RYR1: variants seen among roughly 807,000 people sequenced by gnomAD.
The protein encoded by RYR1 is central core disease of muscle.
RYR1 carries 342 observed loss-of-function variants against 583.5 expected under a neutral mutation model. The ratio of observed to expected loss-of-function variants is 0.59; its 90% CI spans 0.54 to 0.64. The LOEUF (loss-of-function observed/expected upper bound fraction) is 0.64, where lower values mean the gene tolerates loss of function less well. Among genes scored for constraint, RYR1 ranks in the 30% least tolerant of loss-of-function variants. The pLI is 0.00. For synonymous variants in RYR1, 2,791 were observed against 2,822.5 expected, an observed-to-expected ratio of 0.99 and a Z score of 0.35; for missense variants, 6,032 against 6,917.2, an observed-to-expected ratio of 0.87 and a Z score of 4.54.
chr19:38,496,557 C>T lies in RYR1; in HGVS notation c.6796+16C>T. 6.2e-7 allele frequency: 1 copy of T among 1,613,020 alleles called. No individual in the cohort carries two copies. The highest frequency in any genetic ancestry group is 1.3e-5 in the African/African-American group (1 of 75,054). On this transcript the variant is annotated intron_variant, in intron 41 of 105. Transcript: ENST00000359596. This position sits in a 1 kb window ranked among gnomAD's most constrained non-coding sequence, Gnocchi z 4.8. ...ATCGGCCTGGGTGAGAACCCCCGAGCCCAGGGGCTGTCCCCCAGAACCCAC... is the reference window on the plus strand; with the variant it reads ...ATCGGCCTGGGTGAGAACCCCCGAGTCCAGGGGCTGTCCCCCAGAACCCAC...
At chr19:38,458,323 C>A (rs2071086) in intron 18 of RYR1, 31 bp downstream of exon 18, 1 of 1,604,234 alleles carries the variant, frequency 6.2e-7, no homozygotes, top group South Asian at 1.1e-5. Flanking sequence ...GACCCTCACC[C>A]CTGACCATTG....
At chr19:38,491,882 A>G (rs1969568438) in intron 37 of RYR1, among the ~76,000 whole-genome samples, 1 of 152,188 alleles carries the variant, frequency 6.6e-6, no homozygotes, top group Non-Finnish European at 1.5e-5. Context: ...TTTCAACTCC[A>G]GAATTTCTAT....
chr19:38,473,513 G>A lies in RYR1; in HGVS notation c.3902G>A (p.Arg1301His), dbSNP rs555549138. 2 of 1,613,086 alleles carry A rather than the reference G, an allele frequency of 1.2e-6. No homozygotes were observed. Among genetic ancestry groups the A allele is most frequent in the South Asian group, 1.1e-5 (1 of 91,006 alleles). Residue 1301 changes from arginine (R) to histidine (H), a missense_variant, in exon 28 of 106, where the codon CGC becomes CAC. Around this residue, in one of 11 missense-constraint regions of RYR1, gnomAD observed 2,627 missense variants for 2,961.3 expected, o/e 0.89. Coordinates refer to ENST00000359596, the MANE Select transcript of RYR1 (RefSeq NM_000540.3). ...CCAGTCCAGTTCCACCAGCACTTCC[G>A]CTGCACTGCAGGGGCCACCCCGCTG... is the stretch of plus-strand genomic sequence containing the variant. ...SLPVQFHQHFRCTAGATPLAP... is the reference protein window; with the variant it reads ...SLPVQFHQHFHCTAGATPLAP...
rs71165559 is a variant in RYR1 at position 38,549,698 on chromosome 19, CTTTTTTTTTTT to C, written c.12282+1292_12282+1302del. Among the ~76,000 whole-genome samples the C allele has an allele frequency of 5.7e-5, 3 of 52,444 alleles. No individual in the cohort carries two copies. In the South Asian group the frequency reaches 2.1e-3, roughly 38 times the overall value. The allele number at this position is 52,444 out of a possible 152,430, so 34.4% of individuals were successfully genotyped here. On this transcript the variant is annotated intron_variant, in intron 89 of 105. Transcript: ENST00000359596. ...TCCATCATGATTTCCCTTTCCTTTC[CTTTTTTTTTTT>C]TTTTTTTTTTTTTGAGACGGAGTTT...
At chr19:38,475,245 G>A in intron 28 of RYR1, 73 bp from the exon 29 acceptor site, 3 of 1,543,326 alleles carry the variant, frequency 1.9e-6, no homozygotes, top group African/African-American at 1.4e-5. Context: ...GCTGGATGTG[G>A]GGGCATGAAT....
At chr19:38,529,395 G>C (rs1418603489) in intron 76 of RYR1, among the ~76,000 whole-genome samples, 1 of 152,122 alleles carries the variant, frequency 6.6e-6, no homozygotes, top group Non-Finnish European at 1.5e-5. Context: ...CGGAAGAATC[G>C]CTTGAACCTG....
Position 38,490,088 on chromosome 19 carries a change from C to A in RYR1, c.5827C>A (p.Leu1943Met). ...TGTCCTTCCACAGATGTGCCACCTG[C>A]TGGAGTATTTCTGTGACCAAGAGCT... ...ESVKLQMCHL[L>M]EYFCDQELQH... The change falls in exon 36 of 106, where the codon CTG (leucine) becomes ATG (methionine). Residue 1943 changes from leucine (L) to methionine (M), a missense_variant. This residue lies in a region of RYR1 where 2,627 missense variants were observed against 2,961.3 expected (regional missense o/e 0.89). Coordinates refer to ENST00000359596, the MANE Select transcript of RYR1 (RefSeq NM_000540.3). The A allele has an allele frequency of 6.2e-7, 1 of 1,614,110 alleles. No individual in the cohort carries two copies. Among genetic ancestry groups the A allele is most frequent in the Non-Finnish European group, 8.5e-7 (1 of 1,180,040 alleles).
At chr19:38,465,249 T>G (rs1968032256) in intron 23 of RYR1, among the ~76,000 whole-genome samples, 1 of 151,910 alleles carries the variant, frequency 6.6e-6, no homozygotes, top group Non-Finnish European at 1.5e-5. Flanking sequence ...GGCAGGAAGA[T>G]CACTTGAGCC....
At chr19:38,584,907 G>T (rs114134909) in intron 101 of RYR1, 36 bp from the exon 102 acceptor site, 1 of 1,612,612 alleles carries the variant, frequency 6.2e-7, no homozygotes. Context: ...AGTGAATGTC[G>T]AATGAATGAG....
chr19:38,492,740 G>C, intron 38 of RYR1, 104 bp downstream of exon 38: 3 of 1,217,880 alleles, frequency 2.5e-6, no homozygotes, highest in Non-Finnish European at 3.5e-6. Context: ...ATGCAAGGGA[G>C]GGGTAGATAG....
chr19:38,514,646 G>C (rs1372256594), intron 63 of RYR1, among the ~76,000 whole-genome samples: 5 of 152,004 alleles, frequency 3.3e-5, no homozygotes, highest in African/African-American at 1.2e-4. Context: ...TTGCAGTTCT[G>C]TTTGCATTTT....
intron 93 of RYR1, among the ~76,000 whole-genome samples, chr19:38,570,251 A>G (rs1973653908): frequency 6.6e-6 from 1 of 152,160 alleles, no homozygotes; most frequent in African/African-American, 2.4e-5. Flanking sequence ...CAGGAGTTTG[A>G]GATCAGCCTG....
In RYR1 at chr19:38,536,730, C is replaced by T; in HGVS notation, c.11591-20C>T. 1.9e-6 allele frequency: 3 copies of T among 1,613,892 alleles called. No homozygotes were observed. Among genetic ancestry groups the T allele is most frequent in the Non-Finnish European group, 2.5e-6 (3 of 1,179,948 alleles). On this transcript the variant is annotated intron_variant, in intron 82 of 105. Coordinates refer to ENST00000359596, the MANE Select transcript of RYR1 (RefSeq NM_000540.3). The stretch of plus-strand genomic sequence containing the variant: ...TCTCTTTTCTCCTGCTTCCTCCTCC[C>T]ATCCTGTTGGCTGCCCCAGTCATCA...
rs374116226 is a variant in RYR1 at position 38,477,875 on chromosome 19, C to T, written c.4454+5C>T. ...ACAAGGCAACGTCCACAGCAGGTGC[C>T]GGGGCTGGGGGGAGGTGGGAGGTGC... On this transcript the variant is annotated splice_donor_5th_base_variant and intron_variant, in intron 30 of 105. Coordinates refer to ENST00000359596, the MANE Select transcript of RYR1 (RefSeq NM_000540.3). 3.3e-5 allele frequency: 16 copies of T among 484,996 alleles called. No individual in the cohort carries two copies. The highest frequency in any genetic ancestry group is 5.6e-5 in the South Asian group (3 of 53,640). The allele number at this position is 484,996 out of a possible 1,614,324, so 30.0% of individuals were successfully genotyped here.
At position 38,454,452 on chromosome 19, in the gene RYR1, A is replaced by G. The variant is rs141105850; in HGVS notation, c.1441-783A>G. On this transcript the variant is annotated intron_variant, in intron 13 of 105. Coordinates refer to ENST00000359596, the MANE Select transcript of RYR1 (RefSeq NM_000540.3). ...AGCTATGATGTGCCTTACTGAGAAA[A>G]TATGTGTTAGATAAGCTTAATTAAG... 8.3e-3 allele frequency among the ~76,000 whole-genome samples: 1,266 copies of G among 152,338 alleles called. 18 individuals carry two copies. Among genetic ancestry groups the G allele is most frequent in the African/African-American group, 0.029 (1,209 of 41,568 alleles).
intron 89 of RYR1, among the ~76,000 whole-genome samples, chr19:38,551,349 C>T (rs1188945215): frequency 6.6e-6 from 1 of 151,954 alleles, no homozygotes. Flanking sequence ...TCCCAGAGTG[C>T]TGGGATTACA....
At position 38,502,663 on chromosome 19, in the gene RYR1, C is replaced by CG. The variant is rs1281875506; in HGVS notation, c.7775dup (p.Arg2593SerfsTer9). The CG allele has an allele frequency of 3.1e-6, 5 of 1,611,010 alleles. No homozygotes were observed. Among genetic ancestry groups the CG allele is most frequent in the Non-Finnish European group, 4.2e-6 (5 of 1,179,742 alleles). ...GCTGCATACCGTGTACCGCCTGTCT[C>CG]GGGGTCGTTCGCTCACCAAGGCGCA... On this transcript the variant is annotated frameshift_variant, in exon 48 of 106. Transcript: ENST00000359596. LOFTEE classifies it high-confidence loss of function.
intron 83 of RYR1, 82 bp from the exon 84 acceptor site, chr19:38,537,798 T>C (rs1355831098): frequency 1.8e-5 from 23 of 1,245,348 alleles, no homozygotes; most frequent in Middle Eastern, 2.5e-4. Context: ...GCGTGTGCAG[T>C]GTGCATGGGC....
intron 91 of RYR1, among the ~76,000 whole-genome samples, chr19:38,566,567 A>G (rs945435310): frequency 2.6e-5 from 4 of 151,920 alleles, no homozygotes; most frequent in Middle Eastern, 3.4e-3. Context: ...GTGGGAATGA[A>G]GTACACCGTG....
Sources: allele counts gnomAD v4.1 joint callset (sites outside exome capture counted in the v4.1 genomes callset), GRCh38; gene constraint gnomAD v4.1.1; regional missense constraint gnomAD v4.1.1; non-coding constraint Gnocchi (gnomAD v3.1); transcripts MANE v1.5; gene names NCBI Gene and HGNC (gene_info 2026-07-23, HGNC 2026-07-21).